Variants in SKIC2 observed in about 807,000 individuals in gnomAD.
SKIC2 encodes the protein superkiller complex protein 2.
chr6:31,964,178 G>C, the SKIC2 span: 10 of 1,608,582 alleles, frequency 6.2e-6, no homozygotes, highest in East Asian at 2.2e-4. This position sits in a 1 kb window ranked among gnomAD's most constrained non-coding sequence, Gnocchi z 5.0. Context: ...CAGACTGGTG[G>C]GGATAGGGTG....
At chr6:31,966,104 T>G in the SKIC2 span, 13 of 846,972 alleles carry the variant, frequency 1.5e-5, no homozygotes, top group African/African-American at 1.6e-4. This position sits in a 1 kb window ranked among gnomAD's most constrained non-coding sequence, Gnocchi z 5.9. Context: ...TCTTCTTCCT[T>G]TTTTTTTTGG....
At chr6:31,963,371 C>T in the SKIC2 span, 2 of 1,506,020 alleles carry the variant, frequency 1.3e-6, no homozygotes, top group East Asian at 2.3e-5. This position sits in a 1 kb window ranked among gnomAD's most constrained non-coding sequence, Gnocchi z 5.3. Context: ...GGGTTCCTTC[C>T]CACGTTCCCA....
At chr6:31,964,455 G>A in the SKIC2 span, 62 of 761,726 alleles carry the variant, frequency 8.1e-5, no homozygotes, top group Non-Finnish European at 1.4e-4. The surrounding 1 kb of genome is among the most constrained non-coding windows in gnomAD (Gnocchi z 5.0). Flanking sequence ...TTAAGAATCT[G>A]GGCTCTGGAT....
chr6:31,963,887 C>T, the SKIC2 span: 1 of 1,583,460 alleles, frequency 6.3e-7, no homozygotes. This position sits in a 1 kb window ranked among gnomAD's most constrained non-coding sequence, Gnocchi z 5.3. Context: ...AACCTCTGCT[C>T]CTTCCCCTTC....
the SKIC2 span, chr6:31,960,859 C>T: frequency 1.1e-6 from 1 of 935,978 alleles, no homozygotes; most frequent in African/African-American, 1.7e-5. Flanking sequence ...CCATAACAAC[C>T]TTTACTGTCA....
the SKIC2 span, chr6:31,959,960 A>G: frequency 2.3e-6 from 3 of 1,323,356 alleles, no homozygotes; most frequent in Admixed American, 1.7e-5. Flanking sequence ...TTTTGTCTGC[A>G]TTTTATCCTC....
At chr6:31,968,919 G>A in the SKIC2 span, 1 of 1,612,992 alleles carries the variant, frequency 6.2e-7, no homozygotes, top group Non-Finnish European at 8.5e-7. This position sits in a 1 kb window ranked among gnomAD's most constrained non-coding sequence, Gnocchi z 6.1. Flanking sequence ...TGTGAAGCTG[G>A]CAGGGCGGGT....
At chr6:31,961,698 C>G in the SKIC2 span, 1 of 1,607,020 alleles carries the variant, frequency 6.2e-7, no homozygotes, top group South Asian at 1.1e-5. Context: ...CATCTTCACA[C>G]GCTCCTCTAC....
At chr6:31,959,970 C>G in the SKIC2 span, 1 of 1,413,396 alleles carries the variant, frequency 7.1e-7, no homozygotes, top group Non-Finnish European at 1.0e-6. Context: ...ATTTTATCCT[C>G]TTTCCTTACC....
the SKIC2 span, chr6:31,963,096 G>GA: frequency 6.2e-7 from 1 of 1,601,460 alleles, no homozygotes; most frequent in Non-Finnish European, 8.6e-7. The surrounding 1 kb of genome is among the most constrained non-coding windows in gnomAD (Gnocchi z 5.3). Context: ...GATTGGGTGA[G>GA]ACGTGTGTCC....
chr6:31,966,795 G>C, the SKIC2 span: 2 of 1,614,182 alleles, frequency 1.2e-6, no homozygotes, highest in South Asian at 1.1e-5. This position sits in a 1 kb window ranked among gnomAD's most constrained non-coding sequence, Gnocchi z 5.9. Flanking sequence ...TCAGGGTGGA[G>C]GACATGATGA....
chr6:31,963,225 G>C, the SKIC2 span: 2 of 793,780 alleles, frequency 2.5e-6, no homozygotes, highest in Non-Finnish European at 4.0e-6. This position sits in a 1 kb window ranked among gnomAD's most constrained non-coding sequence, Gnocchi z 5.3. Flanking sequence ...GTCCCACCTG[G>C]TGGCTGTGGG....
chr6:31,959,401 G>A, the SKIC2 span: 1 of 1,607,782 alleles, frequency 6.2e-7, no homozygotes, highest in African/African-American at 1.3e-5. Context: ...AGAGAGTAGC[G>A]TGAGTGACTT....
chr6:31,967,390 G>C, the SKIC2 span: 1 of 1,596,864 alleles, frequency 6.3e-7, no homozygotes. The surrounding 1 kb of genome is among the most constrained non-coding windows in gnomAD (Gnocchi z 4.9). Context: ...GAGGGTGATG[G>C]GAATTTGGAC....
chr6:31,961,749 C>A, the SKIC2 span: 4 of 1,571,382 alleles, frequency 2.5e-6, no homozygotes, highest in Non-Finnish European at 3.5e-6. Context: ...CTTGTCTCCT[C>A]TATTGGCCAG....
At chr6:31,964,435 A>G in the SKIC2 span, 1 of 911,050 alleles carries the variant, frequency 1.1e-6, no homozygotes, top group Non-Finnish European at 1.8e-6. This position sits in a 1 kb window ranked among gnomAD's most constrained non-coding sequence, Gnocchi z 5.0. Context: ...TAGGCAGGCC[A>G]GTGCTGTGGT....
the SKIC2 span, chr6:31,962,291 A>G: frequency 2.0e-6 from 2 of 989,344 alleles, no homozygotes; most frequent in East Asian, 2.4e-5. The surrounding 1 kb of genome is among the most constrained non-coding windows in gnomAD (Gnocchi z 5.0). Context: ...CTGGGGTTAT[A>G]TCATGCAGGA....
the SKIC2 span, chr6:31,962,993 C>T: frequency 6.8e-6 from 11 of 1,610,148 alleles, no homozygotes; most frequent in Admixed American, 5.0e-5. This position sits in a 1 kb window ranked among gnomAD's most constrained non-coding sequence, Gnocchi z 5.0. Context: ...AGCGTGGGGT[C>T]GTGTGGGAGG....
chr6:31,959,185 G>A, the SKIC2 span: 3 of 1,610,012 alleles, frequency 1.9e-6, no homozygotes, highest in East Asian at 2.2e-5. Context: ...AGCTGCTGTG[G>A]CTCCAGGATG....
Sources: allele counts gnomAD v4.1 joint callset, GRCh38; gene constraint gnomAD v4.1.1; non-coding constraint Gnocchi (gnomAD v3.1); transcripts MANE v1.5; gene names NCBI Gene and HGNC (gene_info 2026-07-23, HGNC 2026-07-21).